The following DLG2 variants were observed in gnomAD, a reference collection of about 807,000 sequenced individuals.
DLG2 encodes the protein disks large homolog 2.
A neutral mutation model predicts 132.5 loss-of-function variants in DLG2; 45 were observed. The observed-to-expected ratio is 0.34, with a 90% confidence interval of 0.27 to 0.44. The LOEUF (loss-of-function observed/expected upper bound fraction) is 0.44, where lower values mean the gene tolerates loss of function less well. Among genes scored for constraint, DLG2 ranks in the 20% least tolerant of loss-of-function variants. DLG2 has a pLI of 1.00. For missense variants in DLG2, 1,045 were observed against 1,196.9 expected, an observed-to-expected ratio of 0.87 and a Z score of 1.87; for synonymous variants, 424 against 419.6, an observed-to-expected ratio of 1.01 and a Z score of -0.13.
intron 7 of DLG2, among the ~76,000 whole-genome samples, chr11:84,511,556 C>G (rs541398208): frequency 6.6e-6 from 1 of 152,180 alleles, no homozygotes; most frequent in South Asian, 2.1e-4. Flanking sequence ...TTAAGTGATT[C>G]AACTTAATAT....
At chr11:83,868,263 A>G (rs1215656049) in intron 16 of DLG2, among the ~76,000 whole-genome samples, 2 of 152,206 alleles carry the variant, frequency 1.3e-5, no homozygotes, top group East Asian at 3.8e-4. Flanking sequence ...GGCAGCATTA[A>G]TAAGGTTGGG....
At chr11:83,795,926 T>C (rs922318435) in intron 17 of DLG2, among the ~76,000 whole-genome samples, 1 of 152,240 alleles carries the variant, frequency 6.6e-6, no homozygotes, top group African/African-American at 2.4e-5. Context: ...CATTTCTGCA[T>C]TTATGCACAT....
intron 6 of DLG2, among the ~76,000 whole-genome samples, chr11:84,747,500 T>C (rs2153831121): frequency 6.6e-6 from 1 of 152,350 alleles, no homozygotes; most frequent in East Asian, 1.9e-4. Flanking sequence ...ACTAGATATG[T>C]GATCTTGGGC....
At chr11:84,718,908 G>C (rs1214081017) in intron 6 of DLG2, among the ~76,000 whole-genome samples, 2 of 152,050 alleles carry the variant, frequency 1.3e-5, no homozygotes, top group African/African-American at 4.8e-5. Context: ...CTTTAGTATG[G>C]GCAATATATT....
At chr11:83,865,350 C>T (rs764772089) in intron 16 of DLG2, among the ~76,000 whole-genome samples, 1 of 152,034 alleles carries the variant, frequency 6.6e-6, no homozygotes, top group East Asian at 1.9e-4. Flanking sequence ...TACCCAACCA[C>T]CTTACAAAGC....
In DLG2 at chr11:85,185,301, GATCA is replaced by G. The variant is rs138704431; in HGVS notation, c.187-30654_187-30651del. On this transcript the variant is annotated intron_variant, in intron 4 of 27. Transcript: ENST00000376104. ...TTTATAAAGAAGCTCTTGCTTACTTGATCAATCAAATTCATTATGTTATCTTTAC... is the reference window on the plus strand; with the variant it reads ...TTTATAAAGAAGCTCTTGCTTACTTGATCAAATTCATTATGTTATCTTTAC... Among the ~76,000 whole-genome samples, 706 of 152,006 alleles carry G rather than the reference GATCA, an allele frequency of 4.6e-3. 5 individuals are homozygous for G. The highest frequency in any genetic ancestry group is 0.016 in the African/African-American group (648 of 41,504).
chr11:84,149,463 T>C (rs1362598204), intron 9 of DLG2, among the ~76,000 whole-genome samples: 1 of 152,116 alleles, frequency 6.6e-6, no homozygotes, highest in Non-Finnish European at 1.5e-5. Flanking sequence ...GCACCATTAA[T>C]TGAATAGGGA....
intron 4 of DLG2, among the ~76,000 whole-genome samples, chr11:85,269,706 C>T (rs1332382631): frequency 6.6e-6 from 1 of 152,148 alleles, no homozygotes; most frequent in African/African-American, 2.4e-5. Context: ...ATTCCAAAGC[C>T]AAGCCCACAC....
At chr11:83,910,495 C>G (rs1215542092) in intron 15 of DLG2, among the ~76,000 whole-genome samples, 3 of 152,044 alleles carry the variant, frequency 2.0e-5, no homozygotes, top group Non-Finnish European at 4.4e-5. Flanking sequence ...AATTTAATGT[C>G]CTGTAGCATG....
chr11:85,158,939 T>C, intron 4 of DLG2, among the ~76,000 whole-genome samples: 1 of 152,172 alleles, frequency 6.6e-6, no homozygotes, highest in East Asian at 1.9e-4. Context: ...TCAATCAATT[T>C]CCACACTTGA....
At chr11:84,753,421 T>G (rs2066444157) in intron 6 of DLG2, among the ~76,000 whole-genome samples, 2 of 152,122 alleles carry the variant, frequency 1.3e-5, no homozygotes, top group South Asian at 4.1e-4. Context: ...TAGTAAGAAG[T>G]AGCCATATTT....
intron 14 of DLG2, among the ~76,000 whole-genome samples, chr11:83,960,438 T>C (rs1461630086): frequency 6.6e-6 from 1 of 152,092 alleles, no homozygotes; most frequent in Non-Finnish European, 1.5e-5. Flanking sequence ...TAACAAAAAG[T>C]TGCCAATTTT....
At chr11:85,101,183 A>G (rs940559756) in intron 6 of DLG2, among the ~76,000 whole-genome samples, 3 of 152,026 alleles carry the variant, frequency 2.0e-5, no homozygotes, top group African/African-American at 7.2e-5. Flanking sequence ...TTGACTGCCA[A>G]TATAGCAGGC....
chr11:84,804,972 T>A (rs1272933473), intron 6 of DLG2, among the ~76,000 whole-genome samples: 1 of 152,162 alleles, frequency 6.6e-6, no homozygotes, highest in Admixed American at 6.5e-5. Flanking sequence ...TCCCACCTGA[T>A]GGCAACAATA....
intron 19 of DLG2, among the ~76,000 whole-genome samples, chr11:83,584,736 C>G (rs1204498495): frequency 6.6e-6 from 1 of 152,172 alleles, no homozygotes; most frequent in East Asian, 1.9e-4. Context: ...CCTGGGCCAG[C>G]AGCTGATGGA....
intron 10 of DLG2, among the ~76,000 whole-genome samples, chr11:84,062,312 T>C (rs1227838808): frequency 6.6e-6 from 1 of 152,158 alleles, no homozygotes; most frequent in Non-Finnish European, 1.5e-5. Flanking sequence ...TGAACTTCAG[T>C]ATCCCATAAA....
intron 6 of DLG2, among the ~76,000 whole-genome samples, chr11:84,870,467 T>A (rs2085304556): frequency 6.6e-6 from 1 of 152,200 alleles, no homozygotes; most frequent in Non-Finnish European, 1.5e-5. Flanking sequence ...GTTCCTTTCC[T>A]CCCCGATTAA....
intron 6 of DLG2, among the ~76,000 whole-genome samples, chr11:84,662,189 C>CTTTTT (rs1191006822): frequency 3.3e-5 from 4 of 120,698 alleles, no homozygotes; most frequent in Non-Finnish European, 5.2e-5. Context: ...CTTTGTAAAT[C>CTTTTT]TTTTTTTTTT....
intron 6 of DLG2, among the ~76,000 whole-genome samples, chr11:85,085,492 C>T (rs983401400): frequency 2.0e-5 from 3 of 151,984 alleles, no homozygotes; most frequent in Admixed American, 1.3e-4. Flanking sequence ...CCAATTAGAT[C>T]ATGAATTTAT....
Sources: allele counts gnomAD v4.1 joint callset (sites outside exome capture counted in the v4.1 genomes callset), GRCh38; gene constraint gnomAD v4.1.1; transcripts MANE v1.5; gene names NCBI Gene and HGNC (gene_info 2026-07-23, HGNC 2026-07-21).